Variants in PASK observed in about 807,000 individuals in gnomAD.
PASK encodes the protein PAS domain-containing serine/threonine-protein kinase.
PASK carries 110 observed loss-of-function variants against 121.0 expected under a neutral mutation model. That is an observed-to-expected ratio of 0.91 (90% CI 0.78 to 1.06). The LOEUF is 1.06. PASK is among the 50% of genes least tolerant of loss of function. The pLI, the probability that PASK is intolerant of heterozygous loss-of-function variation, is 0.00. For synonymous variants in PASK, 686 were observed against 717.8 expected (o/e 0.96, Z 0.71); for missense variants, 1,643 against 1,702.3 (o/e 0.97, Z 0.61).
At chr2:241,133,215 T>C (rs2066249679) in intron 8 of PASK, 185 bp from the exon 9 acceptor site, 1 of 671,238 alleles carries the variant, frequency 1.5e-6, no homozygotes, top group Non-Finnish European at 2.7e-6. Context: ...CCCTGCTCCT[T>C]GGCCCAGGAC....
rs141291099 is a variant in PASK, at chr2:241,137,134, C to G, written c.1007G>C (p.Arg336Pro). 1.2e-6 allele frequency: 2 copies of G among 1,613,716 alleles called. No individual in the cohort carries two copies. The highest frequency in any genetic ancestry group is 2.2e-5 in the South Asian group (2 of 91,058). Residue 336 changes from arginine to proline, a missense_variant, in exon 7 of 18, where the codon CGG (arginine) becomes CCG (proline). This residue lies in a region of PASK where 1,176 missense variants were observed against 1,162.2 expected (regional missense o/e 1.01). Coordinates refer to ENST00000234040, the MANE Select transcript of PASK (RefSeq NM_015148.4). ...TGEAAPVSGY[R>P]ASVWVFCTIS... The stretch of plus-strand genomic sequence containing the variant: ...GGTGCAGAACACCCAGACAGATGCC[C>G]GGTAGCCGCTCACAGGGGCCGCCTC...
Position 241,112,485 on chromosome 2 carries a change from C to T in PASK, c.3334-46G>A, listed in dbSNP as rs377140992. The T allele has an allele frequency of 2.6e-5, 31 of 1,204,276 alleles. No homozygotes were observed. Among genetic ancestry groups the T allele is most frequent in the Admixed American group, 1.4e-4 (7 of 50,386 alleles). 74.6% of individuals were successfully genotyped at this position (1,204,276 alleles called of 1,614,324 possible). Reference sequence around the variant, plus strand: ...GGGGCTTTTTAAAAAAGCAATTCAACTAAAATATGCATTTAAAATAAACTG... The same window carrying T: ...GGGGCTTTTTAAAAAAGCAATTCAATTAAAATATGCATTTAAAATAAACTG... On this transcript the variant is annotated intron_variant, in intron 14 of 17. Transcript: ENST00000234040. This position sits in a 1 kb window ranked among gnomAD's most constrained non-coding sequence, Gnocchi z 5.2.
Position 241,127,103 on chromosome 2 carries a change from GC to G in PASK, c.1811del (p.Gly604AlafsTer4), listed in dbSNP as rs769655744. 73 of 1,613,904 alleles carry G rather than the reference GC, an allele frequency of 4.5e-5. No individual in the cohort carries two copies. Among genetic ancestry groups the G allele is most frequent in the Non-Finnish European group, 6.2e-5 (73 of 1,180,014 alleles). On this transcript the variant is annotated frameshift_variant, in exon 10 of 18. Coordinates refer to ENST00000234040, the MANE Select transcript of PASK (RefSeq NM_015148.4). LOFTEE classifies it high-confidence loss of function. ...AGCAAGGGCAGTGCATCAGGAGGCTGCCCCCCGCCAGCTGACCCTTGGCCTG... is the reference window on the plus strand; with the variant it reads ...AGCAAGGGCAGTGCATCAGGAGGCTGCCCCCGCCAGCTGACCCTTGGCCTG... Reference protein sequence around the residue: ...KPQAKGQLAGGSLLMHCPCYG... With the variant: ...KPQAKGQLAGXSLLMHCPCYG...
intron 15 of PASK, among the ~76,000 whole-genome samples, chr2:241,111,803 T>C (rs1298892632): frequency 6.6e-6 from 1 of 152,198 alleles, no homozygotes; most frequent in African/African-American, 2.4e-5. Context: ...GGCTCCACCT[T>C]CAGCACGAAT....
intron 10 of PASK, 62 bp from the exon 11 acceptor site, chr2:241,124,195 G>C: frequency 7.2e-7 from 1 of 1,397,080 alleles, no homozygotes; most frequent in Non-Finnish European, 1.0e-6. Context: ...AGCAGCTTTA[G>C]GTTAGAAAAG....
chr2:241,106,491 T>G lies in PASK; in HGVS notation c.*75A>C. 1 of 1,502,378 alleles carries G rather than the reference T, an allele frequency of 6.7e-7. No individual in the cohort carries two copies. Among genetic ancestry groups the G allele is most frequent in the Non-Finnish European group, 9.3e-7 (1 of 1,078,926 alleles). The allele number at this position is 1,502,378 out of a possible 1,614,324, so 93.1% of individuals were successfully genotyped here. On this transcript the variant is annotated 3_prime_UTR_variant, in exon 18 of 18. Coordinates refer to ENST00000234040, the MANE Select transcript of PASK (RefSeq NM_015148.4). ...AATTGGGGATGCTTCAGAATGTATT[T>G]TCTCCAAACAGATGGAGCCTGAAAA...
chr2:241,137,419 G>C (rs2066487234), intron 6 of PASK, among the ~76,000 whole-genome samples, 155 bp from the exon 7 acceptor site: 1 of 152,232 alleles, frequency 6.6e-6, no homozygotes, highest in African/African-American at 2.4e-5. Flanking sequence ...TCTCCTCCCA[G>C]GCCCAGCTGG....
At chr2:241,141,645 C>T (rs995999919) in intron 2 of PASK, among the ~76,000 whole-genome samples, 3 of 152,142 alleles carry the variant, frequency 2.0e-5, no homozygotes, top group Non-Finnish European at 2.9e-5. Context: ...CTCGCACCTC[C>T]AGCCTGGACC....
chr2:241,123,656 T>G (rs2065724718), intron 11 of PASK, among the ~76,000 whole-genome samples: 1 of 151,738 alleles, frequency 6.6e-6, no homozygotes, highest in Non-Finnish European at 1.5e-5. Context: ...CAGTCTCTAC[T>G]AAAAATACAA....
chr2:241,136,551 T>C (rs547975338), intron 7 of PASK, among the ~76,000 whole-genome samples: 76 of 152,326 alleles, frequency 5.0e-4, no homozygotes, highest in Middle Eastern at 3.4e-3. Context: ...AGGGCACAAG[T>C]GTCCATGCCC....
chr2:241,125,174 G>A (rs758511309), intron 10 of PASK, among the ~76,000 whole-genome samples: 3 of 152,092 alleles, frequency 2.0e-5, no homozygotes, highest in Non-Finnish European at 2.9e-5. Context: ...GGTGGCACAC[G>A]CCTGTAGTCC....
At chr2:241,106,975 G>A (rs1293253363) in intron 17 of PASK, among the ~76,000 whole-genome samples, 2 of 152,168 alleles carry the variant, frequency 1.3e-5, no homozygotes, top group Non-Finnish European at 2.9e-5. Context: ...AAGAGCCCTC[G>A]GCCCCGCCGG....
chr2:241,148,984 G>A (rs1376000783), intron 1 of PASK, among the ~76,000 whole-genome samples: 1 of 140,390 alleles, frequency 7.1e-6, no homozygotes, highest in Non-Finnish European at 1.5e-5. Context: ...CCCCGACCCC[G>A]CGGCGCCGGC....
intron 8 of PASK, chr2:241,134,425 G>A (rs1431189310): frequency 2.0e-5 from 3 of 152,254 alleles, no homozygotes; most frequent in Admixed American, 6.5e-5. Context: ...GCCTAACAAA[G>A]TATCTTTTAA....
intron 3 of PASK, 134 bp from the exon 4 acceptor site, chr2:241,140,189 G>A (rs2066637345): frequency 1.3e-6 from 1 of 761,768 alleles, no homozygotes; most frequent in African/African-American, 1.7e-5. Flanking sequence ...TGCCCAGGCT[G>A]GAGTGCAGTG....
rs1196982005 is a variant in PASK, at chr2:241,108,340, G to A, written c.3534-40C>T. ...AGGCATCAGGACGCCACGGCACTCA[G>A]CGCAGGCTTGCCAAGCCCGCCCATG... On this transcript the variant is annotated intron_variant, in intron 15 of 17. Coordinates refer to ENST00000234040, the MANE Select transcript of PASK (RefSeq NM_015148.4). The surrounding 1 kb of genome is among the most constrained non-coding windows in gnomAD (Gnocchi z 5.2). 1 of 1,610,928 alleles carries A rather than the reference G, an allele frequency of 6.2e-7. No homozygotes were observed.
rs1287033794 is a variant in PASK, at chr2:241,140,763, G to A, written c.197-10C>T. 6.4e-6 allele frequency: 10 copies of A among 1,558,844 alleles called. No individual in the cohort carries two copies. In the Admixed American group the frequency reaches 1.0e-4, roughly 16 times the overall value. On this transcript the variant is annotated splice_polypyrimidine_tract_variant and intron_variant, in intron 2 of 17. Transcript: ENST00000234040. ...GAGCTCCATCTGTCTTCTGAAAAGAGAAGCGAAGCGAAGCTTTAGACTTCA... is the reference window on the plus strand; with the variant it reads ...GAGCTCCATCTGTCTTCTGAAAAGAAAAGCGAAGCGAAGCTTTAGACTTCA...
At position 241,127,107 on chromosome 2, in the gene PASK, C is replaced by T; in HGVS notation, c.1808G>A (p.Gly603Glu). The T allele has an allele frequency of 6.2e-7, 1 of 1,614,076 alleles. No individual in the cohort carries two copies. Among genetic ancestry groups the T allele is most frequent in the Non-Finnish European group, 8.5e-7 (1 of 1,180,032 alleles). Residue 603 changes from glycine (G) to glutamate (E), a missense_variant, in exon 10 of 18, where the codon GGG becomes GAG. Around this residue, in one of 3 missense-constraint regions of PASK, gnomAD observed 1,176 missense variants for 1,162.2 expected, o/e 1.01. Coordinates refer to ENST00000234040, the MANE Select transcript of PASK (RefSeq NM_015148.4). ...AGGGCAGTGCATCAGGAGGCTGCCCCCCGCCAGCTGACCCTTGGCCTGGGG... is the reference window on the plus strand; with the variant it reads ...AGGGCAGTGCATCAGGAGGCTGCCCTCCGCCAGCTGACCCTTGGCCTGGGG... ...AKPQAKGQLA[G>E]GSLLMHCPCY... is the part of the protein sequence containing the mutation.
rs759461755 is a variant in PASK at position 241,108,494 on chromosome 2, T to C, written c.3534-194A>G. 1.8e-5 allele frequency: 12 copies of C among 658,096 alleles called. No homozygotes were observed. Among genetic ancestry groups the C allele is most frequent in the Non-Finnish European group, 3.3e-5 (12 of 365,724 alleles). The allele number at this position is 658,096 out of a possible 1,614,324, so 40.8% of individuals were successfully genotyped here. A position where few individuals can be genotyped will look rare whatever the true frequency, so the allele number is the denominator to read the frequency against. On this transcript the variant is annotated intron_variant, in intron 15 of 17. Coordinates refer to ENST00000234040, the MANE Select transcript of PASK (RefSeq NM_015148.4). This position sits in a 1 kb window ranked among gnomAD's most constrained non-coding sequence, Gnocchi z 5.2. ...CTGCCCCAGGCCAGCCAGCAGGCCATGTGCCAGGAGTGGAGAGGCCATCGG... is the reference window on the plus strand; with the variant it reads ...CTGCCCCAGGCCAGCCAGCAGGCCACGTGCCAGGAGTGGAGAGGCCATCGG...
Sources: allele counts gnomAD v4.1 joint callset (sites outside exome capture counted in the v4.1 genomes callset), GRCh38; gene constraint gnomAD v4.1.1; regional missense constraint gnomAD v4.1.1; non-coding constraint Gnocchi (gnomAD v3.1); transcripts MANE v1.5; gene names NCBI Gene and HGNC (gene_info 2026-07-23, HGNC 2026-07-21).